Variants in EDAR observed in about 807,000 individuals in gnomAD.
EDAR encodes tumor necrosis factor receptor superfamily member EDAR.
In EDAR, 38 loss-of-function variants were observed where a neutral mutation model predicts 51.3. The ratio of observed to expected loss-of-function variants is 0.74; its 90% CI spans 0.57 to 0.97. The LOEUF (loss-of-function observed/expected upper bound fraction) is 0.97, where lower values mean the gene tolerates loss of function less well. Ranked by LOEUF, EDAR falls within the 50% of genes least tolerant of loss-of-function variation. EDAR has a pLI of 0.00. For missense variants in EDAR, 528 were observed against 595.0 expected (o/e 0.89, Z 1.17); for synonymous variants, 227 against 242.1 (o/e 0.94, Z 0.58).
chr2:108,951,569 A>G (rs1697829168), intron 1 of EDAR, among the ~76,000 whole-genome samples: 1 of 152,134 alleles, frequency 6.6e-6, no homozygotes, highest in Non-Finnish European at 1.5e-5. Context: ...CCTATACACA[A>G]TCCTGTATAG....
chr2:108,938,786 TC>T (rs536455582), intron 1 of EDAR, among the ~76,000 whole-genome samples: 2,755 of 130,564 alleles, frequency 0.021, 31 homozygotes, highest in African/African-American at 0.075. Context: ...TAGGACTTCT[TC>T]CCCCCCCGCC....
chr2:108,941,692 T>A (rs764103299), intron 1 of EDAR, among the ~76,000 whole-genome samples: 4 of 152,232 alleles, frequency 2.6e-5, no homozygotes, highest in Non-Finnish European at 5.9e-5. Context: ...TACAACAACC[T>A]GACTGCCATT....
intron 4 of EDAR, among the ~76,000 whole-genome samples, chr2:108,927,463 G>A (rs1697278064): frequency 6.6e-6 from 1 of 152,190 alleles, no homozygotes; most frequent in East Asian, 1.9e-4. Flanking sequence ...CACACTTTCT[G>A]GTAAATGTAT....
At chr2:108,954,138 C>T (rs1697876673) in intron 1 of EDAR, among the ~76,000 whole-genome samples, 1 of 152,092 alleles carries the variant, frequency 6.6e-6, no homozygotes, top group South Asian at 2.1e-4. Flanking sequence ...ATTCCCTCAC[C>T]ACCTTCTTAT....
chr2:108,959,410 C>G (rs773889568), intron 1 of EDAR, among the ~76,000 whole-genome samples: 1 of 152,230 alleles, frequency 6.6e-6, no homozygotes, highest in Non-Finnish European at 1.5e-5. Context: ...GGACGCTGGG[C>G]TGTGACTTGG....
In EDAR at chr2:108,959,331, A is replaced by G. The variant is rs190337340; in HGVS notation, c.-18-28299T>C. ...GGATGGAGAGATGACCTGGTGTTGG[A>G]GATTTGTTTTCCCAAAGAGCAAGAC... On this transcript the variant is annotated intron_variant, in intron 1 of 11. Coordinates refer to ENST00000258443, the MANE Select transcript of EDAR (RefSeq NM_022336.4). Among the ~76,000 whole-genome samples, 206 of 152,268 alleles carry G rather than the reference A, an allele frequency of 1.4e-3. 2 individuals are homozygous for G. The highest frequency in any genetic ancestry group is 4.7e-3 in the African/African-American group (196 of 41,554).
intron 1 of EDAR, among the ~76,000 whole-genome samples, chr2:108,957,660 C>G (rs1202976819): frequency 2.0e-5 from 3 of 152,224 alleles, no homozygotes; most frequent in Non-Finnish European, 4.4e-5. Flanking sequence ...TTGATGCGGC[C>G]TTACAAACTA....
In EDAR at chr2:108,980,280, GC is replaced by G. The variant is rs200445499; in HGVS notation, c.-19+8679del. Among the ~76,000 whole-genome samples the G allele has an allele frequency of 7.5e-3, 1,142 of 152,164 alleles. 22 individuals carry two copies. Among genetic ancestry groups the G allele is most frequent in the African/African-American group, 0.025 (1,058 of 41,498 alleles). On this transcript the variant is annotated intron_variant, in intron 1 of 11. Coordinates refer to ENST00000258443, the MANE Select transcript of EDAR (RefSeq NM_022336.4). ...TCTGCAGTGAGAGAATCCCAGGGAG[GC>G]CCAGGTGAGTCACATCCCGAAACCT...
intron 11 of EDAR, among the ~76,000 whole-genome samples, chr2:108,903,239 G>C (rs1696734874): frequency 6.6e-6 from 1 of 152,056 alleles, no homozygotes; most frequent in Non-Finnish European, 1.5e-5. Context: ...AAAAATTAAA[G>C]TTGTGCTAAA....
intron 11 of EDAR, among the ~76,000 whole-genome samples, chr2:108,899,051 G>GT (rs1696653951): frequency 6.6e-6 from 1 of 152,206 alleles, no homozygotes; most frequent in South Asian, 2.1e-4. Context: ...GTAAAGAGAC[G>GT]TAAGTCTACA....
chr2:108,928,138 G>A (rs910089936), intron 4 of EDAR, among the ~76,000 whole-genome samples: 13 of 152,090 alleles, frequency 8.5e-5, no homozygotes, highest in African/African-American at 3.1e-4. Flanking sequence ...CTCCTGCCCA[G>A]CTTGTCCACA....
intron 11 of EDAR, among the ~76,000 whole-genome samples, chr2:108,901,071 C>G (rs753307016): frequency 1.3e-5 from 2 of 152,194 alleles, no homozygotes; most frequent in Non-Finnish European, 2.9e-5. Flanking sequence ...CTCCATTCAA[C>G]AACAGCAGAA....
At chr2:108,938,518 G>T (rs1697521524) in intron 1 of EDAR, among the ~76,000 whole-genome samples, 1 of 152,192 alleles carries the variant, frequency 6.6e-6, no homozygotes, top group Non-Finnish European at 1.5e-5. Context: ...AAATATCCAT[G>T]CAGAAGTTCA....
intron 1 of EDAR, among the ~76,000 whole-genome samples, chr2:108,974,112 G>A (rs555144005): frequency 7.4e-5 from 11 of 148,952 alleles, no homozygotes; most frequent in East Asian, 2.0e-4. Context: ...GGTGGATCAC[G>A]AGGTCAGGAG....
At position 108,960,841 on chromosome 2, in the gene EDAR, T is replaced by G. The variant is rs529743656; in HGVS notation, c.-19+28119A>C. Among the ~76,000 whole-genome samples, 30 of 152,378 alleles carry G rather than the reference T, an allele frequency of 2.0e-4. No homozygotes were observed. In the South Asian group the frequency reaches 5.6e-3, roughly 28 times the overall value. ...TTAATGATTTAATGAGCCTCTTCAT[T>G]TGAAATATTCTTCAGGAACATGGCT... On this transcript the variant is annotated intron_variant, in intron 1 of 11. Transcript: ENST00000258443.
intron 1 of EDAR, among the ~76,000 whole-genome samples, chr2:108,955,867 AAAATAC>A (rs1392638579): frequency 3.3e-5 from 5 of 152,054 alleles, no homozygotes; most frequent in African/African-American, 9.7e-5. Flanking sequence ...TGTACTAAAA[AAAATAC>A]AAAAAATTAG....
At chr2:108,941,206 G>A (rs1482612271) in intron 1 of EDAR, among the ~76,000 whole-genome samples, 3 of 152,132 alleles carry the variant, frequency 2.0e-5, no homozygotes, top group African/African-American at 7.2e-5. Context: ...CACTGCATTC[G>A]TAAACCACAA....
At chr2:108,965,110 T>A (rs2104418086) in intron 1 of EDAR, among the ~76,000 whole-genome samples, 1 of 152,224 alleles carries the variant, frequency 6.6e-6, no homozygotes, top group Non-Finnish European at 1.5e-5. Flanking sequence ...AGCATGTGTG[T>A]GTCTGTGTGT....
At chr2:108,934,049 A>G (rs1401620175) in intron 1 of EDAR, among the ~76,000 whole-genome samples, 2 of 152,214 alleles carry the variant, frequency 1.3e-5, no homozygotes, top group South Asian at 2.1e-4. Flanking sequence ...GCTTCCCTGA[A>G]TAACTGAGAA....
Sources: gnomAD v4.1 joint callset for allele counts (sites outside exome capture counted in the v4.1 genomes callset) on GRCh38, gnomAD v4.1.1 for gene constraint, MANE v1.5 for transcripts, NCBI Gene and HGNC (gene_info 2026-07-23, HGNC 2026-07-21) for gene names.